Variants in TSHZ2 observed in about 807,000 individuals in gnomAD.
The protein encoded by TSHZ2 is teashirt zinc finger homeobox 2, also known as teashirt homolog 2.
In TSHZ2, 21 loss-of-function variants were observed where a neutral mutation model predicts 74.4. That is an observed-to-expected ratio of 0.28 (90% confidence interval 0.20 to 0.41). The LOEUF (loss-of-function observed/expected upper bound fraction) is 0.41. Among genes scored for constraint, TSHZ2 ranks in the 10% least tolerant of loss-of-function variants. The pLI, the probability that TSHZ2 is intolerant of heterozygous loss-of-function variation, is 1.00. For missense variants in TSHZ2, 1,244 were observed against 1,293.5 expected, an observed-to-expected ratio of 0.96 and a Z score of 0.59; for synonymous variants, 540 against 515.3, an observed-to-expected ratio of 1.05 and a Z score of -0.65.
At chr20:53,000,665 G>A (rs558148290) in intron 1 of TSHZ2, among the ~76,000 whole-genome samples, 20 of 152,252 alleles carry the variant, frequency 1.3e-4, no homozygotes, top group African/African-American at 4.8e-4. Context: ...TCAGAAAGTG[G>A]GATGAATAGG....
At chr20:53,240,721 T>TA (rs1555839593) in intron 1 of TSHZ2, among the ~76,000 whole-genome samples, 49 of 145,156 alleles carry the variant, frequency 3.4e-4, no homozygotes, top group South Asian at 1.2e-3. Context: ...GATAGATAGA[T>TA]GATAGATAGA....
chr20:53,469,687 C>T (rs8183682), intron 2 of TSHZ2, among the ~76,000 whole-genome samples: 2 of 14,744 alleles, frequency 1.4e-4, no homozygotes, highest in Non-Finnish European at 2.4e-4. Flanking sequence ...GAAGGAAGGA[C>T]GGACCCAAGA....
intron 2 of TSHZ2, among the ~76,000 whole-genome samples, chr20:53,467,560 A>G (rs539537114): frequency 2.6e-5 from 4 of 152,336 alleles, no homozygotes; most frequent in Admixed American, 2.6e-4. Context: ...GAAAAGTACT[A>G]TATATTATTA....
intron 1 of TSHZ2, among the ~76,000 whole-genome samples, chr20:53,173,243 C>T (rs752250158): frequency 1.3e-5 from 2 of 152,206 alleles, no homozygotes; most frequent in Non-Finnish European, 2.9e-5. Flanking sequence ...CCAAATTGTC[C>T]ATCCATAAAG....
intron 1 of TSHZ2, among the ~76,000 whole-genome samples, chr20:53,174,314 G>A (rs897205463): frequency 1.3e-5 from 2 of 152,162 alleles, no homozygotes; most frequent in Admixed American, 6.5e-5. Context: ...AGGAAAACAA[G>A]AGATTCCTTG....
intron 2 of TSHZ2, among the ~76,000 whole-genome samples, chr20:53,463,915 G>T (rs1410119081): frequency 6.6e-6 from 1 of 152,192 alleles, no homozygotes; most frequent in African/African-American, 2.4e-5. Context: ...TAAAACACAG[G>T]CTCCCTATCG....
At chr20:53,385,549 C>T (rs552169607) in intron 2 of TSHZ2, among the ~76,000 whole-genome samples, 18 of 152,284 alleles carry the variant, frequency 1.2e-4, no homozygotes, top group African/African-American at 3.8e-4. Flanking sequence ...CATTCTCGGT[C>T]GTGGGGCGTG....
intron 1 of TSHZ2, among the ~76,000 whole-genome samples, chr20:53,058,757 A>G (rs1294762472): frequency 4.6e-5 from 7 of 152,378 alleles, no homozygotes; most frequent in African/African-American, 1.7e-4. Flanking sequence ...AATGTCTGTA[A>G]GAAAGCAGTT....
Position 53,060,210 on chromosome 20 carries a change from G to A in TSHZ2, c.40+86877G>A, listed in dbSNP as rs575911322. On this transcript the variant is annotated intron_variant, in intron 1 of 2. Coordinates refer to ENST00000371497, the MANE Select transcript of TSHZ2 (RefSeq NM_173485.6). ...AAACTAAAGAAGTCAAAATTTTTCAGATCTACCTCACTGAATTTTATGAAG... is the reference window on the plus strand; with the variant it reads ...AAACTAAAGAAGTCAAAATTTTTCAAATCTACCTCACTGAATTTTATGAAG... Among the ~76,000 whole-genome samples the A allele has an allele frequency of 4.6e-5, 7 of 152,240 alleles. 1 individual carries two copies. The South Asian group carries it at 1.2e-3, about 27-fold the overall frequency.
chr20:53,004,027 T>C (rs1457728935), intron 1 of TSHZ2, among the ~76,000 whole-genome samples: 1 of 152,152 alleles, frequency 6.6e-6, no homozygotes, highest in African/African-American at 2.4e-5. Flanking sequence ...CCTGTTTTCA[T>C]CACTGCCAAA....
At chr20:53,092,832 AC>A (rs1484928830) in intron 1 of TSHZ2, among the ~76,000 whole-genome samples, 1 of 152,146 alleles carries the variant, frequency 6.6e-6, no homozygotes, top group Non-Finnish European at 1.5e-5. Context: ...GGATTGGCAA[AC>A]TTTTTCTGTA....
At chr20:53,169,711 T>A (rs1988148047) in intron 1 of TSHZ2, among the ~76,000 whole-genome samples, 1 of 152,198 alleles carries the variant, frequency 6.6e-6, no homozygotes, top group African/African-American at 2.4e-5. Context: ...GAATCCAGTT[T>A]ATATCAGTTC....
At chr20:53,314,177 A>G (rs139370898) in intron 2 of TSHZ2, among the ~76,000 whole-genome samples, 422 of 152,042 alleles carry the variant, frequency 2.8e-3, no homozygotes, top group Non-Finnish European at 4.1e-3. Flanking sequence ...AGTCCCAACT[A>G]CTTGGGAGGC....
chr20:53,243,737 C>G (rs1229854920), intron 1 of TSHZ2, among the ~76,000 whole-genome samples: 1 of 152,060 alleles, frequency 6.6e-6, no homozygotes, highest in East Asian at 1.9e-4. Flanking sequence ...AGACTTTTCA[C>G]CAGAAAACTA....
At chr20:53,395,739 G>A (rs1168100308) in intron 2 of TSHZ2, among the ~76,000 whole-genome samples, 2 of 152,102 alleles carry the variant, frequency 1.3e-5, no homozygotes, top group East Asian at 1.9e-4. Context: ...GAACATGACC[G>A]TGCAGACGTG....
intron 2 of TSHZ2, among the ~76,000 whole-genome samples, chr20:53,401,781 T>C (rs1202752116): frequency 3.0e-4 from 44 of 144,368 alleles, no homozygotes; most frequent in African/African-American, 1.1e-3. Flanking sequence ...TTTCTTTTTT[T>C]TTTTTTTTTT....
intron 2 of TSHZ2, among the ~76,000 whole-genome samples, chr20:53,274,221 G>C (rs1253469244): frequency 2.6e-5 from 4 of 152,332 alleles, no homozygotes; most frequent in South Asian, 2.1e-4. Context: ...AGTGAGCCGA[G>C]ATCGCACCGC....
intron 1 of TSHZ2, among the ~76,000 whole-genome samples, chr20:53,046,449 G>A (rs975826325): frequency 2.0e-5 from 3 of 152,048 alleles, no homozygotes; most frequent in Admixed American, 6.6e-5. Context: ...AGGCTGCCTC[G>A]CCTTGAGCAA....
rs1269238361 is a variant in TSHZ2, at chr20:53,381,265, T to C, written c.*9-105879T>C. 4.6e-5 allele frequency among the ~76,000 whole-genome samples: 7 copies of C among 152,232 alleles called. No homozygotes were observed. The East Asian group carries it at 1.3e-3, about 29-fold the overall frequency. ...ATCACTCACTTTAGCAGTTCTACTG[T>C]ACATCAGGTCTACTGTACATCATCC... is the stretch of plus-strand genomic sequence containing the variant. On this transcript the variant is annotated intron_variant, in intron 2 of 2. Coordinates refer to ENST00000371497, the MANE Select transcript of TSHZ2 (RefSeq NM_173485.6).
Sources: allele counts gnomAD v4.1 joint callset (sites outside exome capture counted in the v4.1 genomes callset), GRCh38; gene constraint gnomAD v4.1.1; transcripts MANE v1.5; gene names NCBI Gene and HGNC (gene_info 2026-07-23, HGNC 2026-07-21).